TTC21B: variants seen among roughly 807,000 people sequenced by gnomAD.
TTC21B encodes tetratricopeptide repeat protein 21B.
In TTC21B, 127 loss-of-function variants were observed where a neutral mutation model predicts 175.1. The ratio of observed to expected loss-of-function variants is 0.73; its 90% CI spans 0.63 to 0.84. The LOEUF (loss-of-function observed/expected upper bound fraction) is 0.84. Ranked by LOEUF, TTC21B falls within the 40% of genes least tolerant of loss-of-function variation. The pLI, the probability that TTC21B is intolerant of heterozygous loss-of-function variation, is 0.00. For missense variants in TTC21B, 1,561 were observed against 1,558.3 expected (o/e 1.00, Z -0.03); for synonymous variants, 524 against 524.5 (o/e 1.00, Z 0.01).
chr2:165,892,677 AT>A (rs1685236055), intron 22 of TTC21B, among the ~76,000 whole-genome samples: 1 of 152,212 alleles, frequency 6.6e-6, no homozygotes, highest in Admixed American at 6.5e-5. Context: ...ATTCATCAAC[AT>A]AGAAAGTAGA....
Position 165,890,519 on chromosome 2 carries a change from C to A in TTC21B, c.3223G>T (p.Val1075Phe). 1 of 1,613,598 alleles carries A rather than the reference C, an allele frequency of 6.2e-7. No homozygotes were observed. Among genetic ancestry groups the A allele is most frequent in the Non-Finnish European group, 8.5e-7 (1 of 1,179,674 alleles). Residue 1075 changes from valine to phenylalanine, a missense_variant, in exon 24 of 29, where the codon GTT becomes TTT. Val to Phe is a conservative substitution (Grantham distance 50). Coordinates refer to ENST00000243344, the MANE Select transcript of TTC21B (RefSeq NM_024753.5). ...AGGTTTTCAAATACTTCACCTCCAA[C>A]AGTTTCATTATCTGGATTCAAACAG... ...EICLNPDNET[V>F]GGEVFENLDG...
Position 165,928,799 on chromosome 2 carries a change from G to A in TTC21B, c.1386+336C>T, listed in dbSNP as rs1686774167. The A allele has an allele frequency of 2.4e-5, 6 of 248,678 alleles. No homozygotes were observed. The South Asian group carries it at 2.8e-4, about 12-fold the overall frequency. 15.4% of individuals were successfully genotyped at this position (248,678 alleles called of 1,614,324 possible). A position where few individuals can be genotyped will look rare whatever the true frequency, so the allele number is the denominator to read the frequency against. On this transcript the variant is annotated intron_variant, in intron 11 of 28. Coordinates refer to ENST00000243344, the MANE Select transcript of TTC21B (RefSeq NM_024753.5). ...GTTATATGACAAGAACTTCATTTTA[G>A]TGTGTCCAGACATGGGATAGACATT...
chr2:165,876,131 A>C (rs1684658174), intron 28 of TTC21B, 34 bp downstream of exon 28: 1 of 1,366,796 alleles, frequency 7.3e-7, no homozygotes, highest in Non-Finnish European at 1.0e-6. Flanking sequence ...TGTGCATCTG[A>C]AAAATTTTAA....
Position 165,884,026 on chromosome 2 carries a change from A to G in TTC21B, c.3460-8T>C. The G allele has an allele frequency of 6.2e-7, 1 of 1,613,030 alleles. No homozygotes were observed. Among genetic ancestry groups the G allele is most frequent in the South Asian group, 1.1e-5 (1 of 91,020 alleles). ...CGCTGGGATATGCTCCTTCTATAAG[A>G]AAACAAAATTTTAGACCATAAGATG... On this transcript the variant is annotated splice_region_variant and splice_polypyrimidine_tract_variant and intron_variant, in intron 25 of 28. Transcript: ENST00000243344.
At chr2:165,938,945 A>G (rs1379216706) in intron 6 of TTC21B, among the ~76,000 whole-genome samples, 1 of 152,338 alleles carries the variant, frequency 6.6e-6, no homozygotes, top group East Asian at 1.9e-4. Context: ...GATATTAAAA[A>G]GCTATTTTTA....
intron 22 of TTC21B, among the ~76,000 whole-genome samples, chr2:165,895,752 G>C (rs1367406328): frequency 6.6e-6 from 1 of 152,200 alleles, no homozygotes; most frequent in East Asian, 1.9e-4. Flanking sequence ...AGTGGAAGAG[G>C]TGAGATGGTC....
rs2105318229 is a variant in TTC21B, at chr2:165,911,373, A to G, written c.2415T>C (p.Tyr805=). ...LAELLLKLKW[Y]DKAEKVLQHA... is the part of the protein sequence containing the mutation. ...GCTGAAGAACTTTTTCTGCTTTGTC[A>G]TACCATTTCAATTTTAATAAGAGCT... is the stretch of plus-strand genomic sequence containing the variant. Residue 805 remains tyrosine (Y), a synonymous_variant, in exon 18 of 29, where the codon TAT becomes TAC. Coordinates refer to ENST00000243344, the MANE Select transcript of TTC21B (RefSeq NM_024753.5). 1 of 1,613,952 alleles carries G rather than the reference A, an allele frequency of 6.2e-7. No homozygotes were observed. The highest frequency in any genetic ancestry group is 8.5e-7 in the Non-Finnish European group (1 of 1,179,918).
At chr2:165,878,506 A>G (rs878992239) in intron 27 of TTC21B, among the ~76,000 whole-genome samples, 4 of 152,072 alleles carry the variant, frequency 2.6e-5, no homozygotes, top group Admixed American at 2.6e-4. Flanking sequence ...TTTAAGATAT[A>G]CAAAATGATG....
chr2:165,919,252 T>C (rs1423595689), intron 13 of TTC21B, 24 bp downstream of exon 13: 7 of 1,612,934 alleles, frequency 4.3e-6, no homozygotes, highest in East Asian at 2.2e-5. Flanking sequence ...ATATGTCTTA[T>C]CCACTTCAGT....
intron 22 of TTC21B, among the ~76,000 whole-genome samples, chr2:165,891,255 G>A (rs373038349): frequency 2.0e-5 from 3 of 151,968 alleles, no homozygotes; most frequent in Non-Finnish European, 2.9e-5. Context: ...TCTATTGTTT[G>A]GGGGACCAAA....
At chr2:165,919,152 AT>A (rs199622633) in intron 13 of TTC21B, 123 bp downstream of exon 13, 443 of 1,161,230 alleles carry the variant, frequency 3.8e-4, no homozygotes, top group African/African-American at 4.6e-4. Context: ...TGTGAGTTCC[AT>A]TTTTTTTTCC....
intron 1 of TTC21B, 106 bp downstream of exon 1, chr2:165,953,579 C>T: frequency 6.6e-7 from 1 of 1,512,454 alleles, no homozygotes; most frequent in South Asian, 1.2e-5. Context: ...AGGGAAACAG[C>T]GGCCTAGCGA....
At chr2:165,914,698 T>TGTGTG (rs71031214) in intron 15 of TTC21B, among the ~76,000 whole-genome samples, 21 of 132,428 alleles carry the variant, frequency 1.6e-4, no homozygotes, top group Middle Eastern at 3.7e-3. Context: ...TGTGTGTGTG[T>TGTGTG]TGTGTATCCC....
At chr2:165,925,646 T>G (rs1686599470) in intron 11 of TTC21B, among the ~76,000 whole-genome samples, 1 of 152,298 alleles carries the variant, frequency 6.6e-6, no homozygotes, top group Admixed American at 6.5e-5. Flanking sequence ...ATATGACTAT[T>G]ATTGCCTAGA....
At chr2:165,939,887 T>A (rs1687299123) in intron 6 of TTC21B, among the ~76,000 whole-genome samples, 1 of 152,152 alleles carries the variant, frequency 6.6e-6, no homozygotes, top group African/African-American at 2.4e-5. Flanking sequence ...GAATCCTGAC[T>A]CCACCACTAA....
chr2:165,895,191 C>A, intron 22 of TTC21B, among the ~76,000 whole-genome samples: 1 of 152,040 alleles, frequency 6.6e-6, no homozygotes, highest in South Asian at 2.1e-4. Context: ...AAAACCCAAG[C>A]AAAGACTTGG....
intron 22 of TTC21B, among the ~76,000 whole-genome samples, chr2:165,897,105 C>T (rs896151371): frequency 3.0e-4 from 45 of 152,000 alleles, no homozygotes; most frequent in African/African-American, 8.0e-4. Context: ...ACTGTGGAAC[C>T]GCCACACCAG....
At chr2:165,887,464 G>A (rs774779761) in intron 25 of TTC21B, among the ~76,000 whole-genome samples, 20 of 152,030 alleles carry the variant, frequency 1.3e-4, no homozygotes, top group South Asian at 4.1e-4. Context: ...CGAGATAGGC[G>A]GATCACCTGA....
At chr2:165,902,366 T>G (rs1325796541) in intron 19 of TTC21B, among the ~76,000 whole-genome samples, 1 of 152,256 alleles carries the variant, frequency 6.6e-6, no homozygotes, top group African/African-American at 2.4e-5. Flanking sequence ...ATAAAATTTA[T>G]GTTTTAGCTA....
Sources: gnomAD v4.1 joint callset for allele counts (sites outside exome capture counted in the v4.1 genomes callset) on GRCh38, gnomAD v4.1.1 for gene constraint, MANE v1.5 for transcripts, NCBI Gene and HGNC (gene_info 2026-07-23, HGNC 2026-07-21) for gene names.